The following PTCHD4 variants were observed in gnomAD, a reference collection of about 807,000 sequenced individuals.
PTCHD4 encodes patched domain-containing protein 4.
PTCHD4 carries 33 observed loss-of-function variants against 58.1 expected under a neutral mutation model. The observed-to-expected ratio is 0.57, with a 90% CI of 0.43 to 0.76. PTCHD4 has a LOEUF of 0.76. Among genes scored for constraint, PTCHD4 ranks in the 30% least tolerant of loss-of-function variants. PTCHD4 has a pLI of 0.00. For synonymous variants in PTCHD4, 478 were observed against 409.6 expected (o/e 1.17, Z -2.02); for missense variants, 1,058 against 1,027.1 (o/e 1.03, Z -0.41).
chr6:48,057,194 T>C lies in PTCHD4; in HGVS notation c.417+11036A>G, dbSNP rs1486782531. 2.0e-5 allele frequency among the ~76,000 whole-genome samples: 3 copies of C among 151,752 alleles called. No homozygotes were observed. In the East Asian group the frequency reaches 5.8e-4, roughly 29 times the overall value. ...CGGTTTTTTTTGTTTTTTTTTGTTT[T>C]TTTTGTTTTTTTTTTCTGAGCCCAA... On this transcript the variant is annotated intron_variant, in intron 3 of 4. Transcript: ENST00000339488.
intron 1 of PTCHD4, among the ~76,000 whole-genome samples, chr6:48,078,855 A>G (rs1392048514): frequency 6.6e-6 from 1 of 152,188 alleles, no homozygotes; most frequent in Non-Finnish European, 1.5e-5. Context: ...GCGGTGGCTC[A>G]TGCCTGTAAT....
At chr6:47,956,549 T>C (rs1161498918) in intron 4 of PTCHD4, among the ~76,000 whole-genome samples, 1 of 152,064 alleles carries the variant, frequency 6.6e-6, no homozygotes, top group East Asian at 1.9e-4. Flanking sequence ...TTCTCCTGCC[T>C]CAGCCTCCCA....
At chr6:48,106,874 C>T (rs1366464664) in intron 1 of PTCHD4, among the ~76,000 whole-genome samples, 1 of 152,004 alleles carries the variant, frequency 6.6e-6, no homozygotes, top group African/African-American at 2.4e-5. Flanking sequence ...AATAAAATAC[C>T]TAGGAATCCA....
At chr6:48,031,395 T>A (rs892935185) in intron 3 of PTCHD4, among the ~76,000 whole-genome samples, 2 of 152,044 alleles carry the variant, frequency 1.3e-5, no homozygotes, top group Non-Finnish European at 2.9e-5. Flanking sequence ...GGGCCCAATC[T>A]CTCTCCCCTG....
In PTCHD4 at chr6:48,099,982, C is replaced by T. The variant is rs1404481669; in HGVS notation, c.-970+11067G>A. Among the ~76,000 whole-genome samples, 3 of 152,150 alleles carry T rather than the reference C, an allele frequency of 2.0e-5. No homozygotes were observed. In the East Asian group the frequency reaches 5.8e-4, roughly 29 times the overall value. ...CACCACATGCTGGGTTGATAATTTT[C>T]CACAGCATGGCAAATCCAGAAAACA... On this transcript the variant is annotated intron_variant, in intron 1 of 4. Coordinates refer to ENST00000339488, the MANE Select transcript of PTCHD4 (RefSeq NM_001384253.1).
intron 4 of PTCHD4, among the ~76,000 whole-genome samples, chr6:48,000,327 C>T (rs970326093): frequency 3.9e-5 from 6 of 152,162 alleles, no homozygotes; most frequent in Admixed American, 3.3e-4. Context: ...ATAGTCACAT[C>T]TTTGTATATA....
chr6:48,008,891 A>G lies in PTCHD4; in HGVS notation c.641T>C (p.Leu214Ser). Residue 214 changes from leucine to serine, a missense_variant, in exon 4 of 5, where the codon TTA becomes TCA. Coordinates refer to ENST00000339488, the MANE Select transcript of PTCHD4 (RefSeq NM_001384253.1). ...EEHQELQLYS[L>S]ASFSLWRDFH... ...GTCCCTCCAGAGGCTAAAGGATGCT[A>G]AAGAGTAGAGCTGGAGTTCTTGATG... 6.2e-7 allele frequency: 1 copy of G among 1,614,012 alleles called. No individual in the cohort carries two copies. Among genetic ancestry groups the G allele is most frequent in the Non-Finnish European group, 8.5e-7 (1 of 1,179,900 alleles).
chr6:47,972,518 A>C (rs1767553820), intron 4 of PTCHD4, among the ~76,000 whole-genome samples: 4 of 152,168 alleles, frequency 2.6e-5, no homozygotes, highest in Admixed American at 2.6e-4. Flanking sequence ...TATCCATAGA[A>C]ATTCTAGAAA....
intron 4 of PTCHD4, among the ~76,000 whole-genome samples, chr6:47,911,399 G>A (rs1765064500): frequency 6.6e-6 from 1 of 152,072 alleles, no homozygotes; most frequent in Non-Finnish European, 1.5e-5. Context: ...TAAAGTTTTA[G>A]CAATTTCCTG....
chr6:47,970,373 A>C (rs1257548986), intron 4 of PTCHD4, among the ~76,000 whole-genome samples: 2 of 152,202 alleles, frequency 1.3e-5, no homozygotes, highest in East Asian at 3.8e-4. Flanking sequence ...AAGCATGGGG[A>C]AAGATGAAAC....
intron 4 of PTCHD4, among the ~76,000 whole-genome samples, chr6:47,930,118 A>G (rs1378593503): frequency 5.3e-5 from 8 of 152,228 alleles, no homozygotes; most frequent in African/African-American, 1.7e-4. Context: ...AAAATAGTAT[A>G]TATTTTTCTA....
intron 4 of PTCHD4, among the ~76,000 whole-genome samples, chr6:47,917,408 G>A (rs1017792717): frequency 2.0e-5 from 3 of 152,088 alleles, no homozygotes; most frequent in South Asian, 2.1e-4. Flanking sequence ...CATAATCAGC[G>A]AAATGGACAA....
intron 4 of PTCHD4, among the ~76,000 whole-genome samples, chr6:47,885,775 T>C (rs780313175): frequency 5.3e-5 from 8 of 152,224 alleles, no homozygotes; most frequent in Non-Finnish European, 1.5e-5. Context: ...AACATTGCTG[T>C]AGGAAAACTC....
At chr6:48,031,241 T>C (rs1297299910) in intron 3 of PTCHD4, among the ~76,000 whole-genome samples, 1 of 152,122 alleles carries the variant, frequency 6.6e-6, no homozygotes, top group African/African-American at 2.4e-5. Flanking sequence ...AACATCCTAG[T>C]TTGCCTTCAG....
chr6:48,030,433 T>C (rs965437982), intron 3 of PTCHD4, among the ~76,000 whole-genome samples: 1 of 152,132 alleles, frequency 6.6e-6, no homozygotes, highest in Non-Finnish European at 1.5e-5. Flanking sequence ...CTACAACTCT[T>C]GAAACTAACA....
At position 47,866,220 on chromosome 6, in the gene PTCHD4, T is replaced by A. The variant is rs928898133; in HGVS notation, c.*12083A>T. On this transcript the variant is annotated 3_prime_UTR_variant, in exon 5 of 5. Coordinates refer to ENST00000339488, the MANE Select transcript of PTCHD4 (RefSeq NM_001384253.1). ...TTCACTTAATAAAAGGCTCTATCAG[T>A]ATTTATTGGATTAAATGTGTTGACT... Among the ~76,000 whole-genome samples the A allele has an allele frequency of 2.6e-5, 4 of 151,924 alleles. No individual in the cohort carries two copies. The highest frequency in any genetic ancestry group is 9.7e-5 in the African/African-American group (4 of 41,418).
chr6:47,925,802 A>G (rs1372944442), intron 4 of PTCHD4, among the ~76,000 whole-genome samples: 2 of 152,164 alleles, frequency 1.3e-5, no homozygotes, highest in African/African-American at 2.4e-5. Context: ...TCTCGGGGCA[A>G]TTTATCAGGG....
At chr6:48,077,895 T>G (rs1031434509) in intron 1 of PTCHD4, among the ~76,000 whole-genome samples, 4 of 152,162 alleles carry the variant, frequency 2.6e-5, no homozygotes, top group Admixed American at 2.6e-4. Flanking sequence ...CAAAGACCAC[T>G]GATCACAGAT....
chr6:48,074,763 A>T (rs1359080159), intron 1 of PTCHD4, among the ~76,000 whole-genome samples: 1 of 152,106 alleles, frequency 6.6e-6, no homozygotes, highest in Non-Finnish European at 1.5e-5. Flanking sequence ...GCTAACACTA[A>T]CCTTGATGCT....
Sources: allele counts gnomAD v4.1 joint callset (sites outside exome capture counted in the v4.1 genomes callset), GRCh38; gene constraint gnomAD v4.1.1; transcripts MANE v1.5; gene names NCBI Gene and HGNC (gene_info 2026-07-23, HGNC 2026-07-21).